Variants in ATP23 observed in about 807,000 individuals in gnomAD.
ATP23 encodes mitochondrial inner membrane protease ATP23 homolog.
Under a neutral mutation model 28.5 loss-of-function variants are expected in ATP23, and 24 were observed. The observed-to-expected ratio is 0.84, with a 90% CI of 0.61 to 1.18. ATP23 has a LOEUF of 1.18. Among genes scored for constraint, ATP23 ranks in the 50% most tolerant of loss-of-function variants. The probability of loss-of-function intolerance (pLI) is 0.00; values close to 1 mark genes in which losing one functional copy is unlikely to be tolerated. For missense variants in ATP23, 274 were observed against 306.4 expected (o/e 0.89, Z 0.79); for synonymous variants, 99 against 108.6 (o/e 0.91, Z 0.55).
In ATP23 at chr12:57,953,686, C is replaced by T; in HGVS notation, c.534C>T (p.His178=). 6.2e-7 allele frequency: 1 copy of T among 1,613,208 alleles called. No individual in the cohort carries two copies. The highest frequency in any genetic ancestry group is 8.5e-7 in the Non-Finnish European group (1 of 1,179,280). ...FRLHFGLKQH[H]QTCVRDRATL... ...TACATTTTGGATTAAAACAACACCACCAGGTAAAAACTAATATGAAATCAC... is the reference window on the plus strand; with the variant it reads ...TACATTTTGGATTAAAACAACACCATCAGGTAAAAACTAATATGAAATCAC... The change falls in exon 5 of 6, where the codon CAC becomes CAT. Residue 178 remains histidine, a synonymous_variant. Transcript: ENST00000300145.
At chr12:57,953,205 G>T (rs1040050724) in intron 4 of ATP23, among the ~76,000 whole-genome samples, 1 of 152,158 alleles carries the variant, frequency 6.6e-6, no homozygotes, top group Non-Finnish European at 1.5e-5. Flanking sequence ...TTTATTTCAA[G>T]AATGCTTTCT....
chr12:57,943,648 T>A (rs896330904), intron 1 of ATP23, among the ~76,000 whole-genome samples: 2 of 151,518 alleles, frequency 1.3e-5, no homozygotes, highest in African/African-American at 4.9e-5. Flanking sequence ...ATCACTGCAC[T>A]CCAGCCTGGG....
intron 2 of ATP23, 144 bp from the exon 3 acceptor site, chr12:57,946,849 AAG>A (rs1956766678): frequency 1.6e-6 from 1 of 623,084 alleles, no homozygotes; most frequent in African/African-American, 1.9e-5. Flanking sequence ...AACAGTCCTG[AAG>A]ATGTTGTTTC....
chr12:57,943,427 C>G (rs1422337652), intron 1 of ATP23, among the ~76,000 whole-genome samples: 1 of 152,084 alleles, frequency 6.6e-6, no homozygotes, highest in Non-Finnish European at 1.5e-5. Context: ...TGCCTGTAAT[C>G]TCAGCACTTT....
At chr12:57,942,333 A>C (rs1956713332) in intron 1 of ATP23, among the ~76,000 whole-genome samples, 1 of 152,170 alleles carries the variant, frequency 6.6e-6, no homozygotes, top group African/African-American at 2.4e-5. Context: ...GTTCCTTGGA[A>C]GTGGTTCATG....
intron 3 of ATP23, among the ~76,000 whole-genome samples, chr12:57,948,989 T>C (rs1956790520): frequency 6.6e-6 from 1 of 152,244 alleles, no homozygotes; most frequent in South Asian, 2.1e-4. Flanking sequence ...TTCTTGTTGT[T>C]GTGTGTACCT....
chr12:57,955,930 A>C (rs937281152), intron 5 of ATP23, among the ~76,000 whole-genome samples: 2 of 152,224 alleles, frequency 1.3e-5, no homozygotes, highest in Admixed American at 6.5e-5. Flanking sequence ...TTTTAGGAAA[A>C]GGTCAAATGC....
At position 57,951,851 on chromosome 12, in the gene ATP23, C is replaced by G; in HGVS notation, c.409C>G (p.His137Asp). 6.2e-7 allele frequency: 1 copy of G among 1,614,174 alleles called. No individual in the cohort carries two copies. Among genetic ancestry groups the G allele is most frequent in the Non-Finnish European group, 8.5e-7 (1 of 1,180,028 alleles). Residue 137 changes from histidine (H) to aspartate (D), a missense_variant, in exon 4 of 6, where the codon CAT becomes GAT. By Grantham distance (81) the His-to-Asp change is moderately conservative (BLOSUM62 -1). Coordinates refer to ENST00000300145, the MANE Select transcript of ATP23 (RefSeq NM_033276.4). ...TCATGCATTTGATCATTGTCGTGCC[C>G]ATGTCGACTGGTTCACCAACATCAG... ...LIHAFDHCRA[H>D]VDWFTNIRHL...
chr12:57,943,981 C>CT lies in ATP23; in HGVS notation c.188-1629dup, dbSNP rs766959594. On this transcript the variant is annotated intron_variant, in intron 1 of 5. Coordinates refer to ENST00000300145, the MANE Select transcript of ATP23 (RefSeq NM_033276.4). ...TGGAAACCAGACCTCATGGGAGTCT[C>CT]TTTTTTTTTTTTTTTTTTCACCAAA... Among the ~76,000 whole-genome samples the CT allele has an allele frequency of 9.8e-3, 935 of 94,984 alleles. 6 individuals carry two copies. Among genetic ancestry groups the CT allele is most frequent in the Middle Eastern group, 0.04 (5 of 126 alleles). The allele number at this position is 94,984 out of a possible 152,430, so 62.3% of individuals were successfully genotyped here.
In ATP23 at chr12:57,945,584, G is replaced by T. The variant is rs772531010; in HGVS notation, c.188-44G>T. 9 of 1,534,240 alleles carry T rather than the reference G, an allele frequency of 5.9e-6. No individual in the cohort carries two copies. In the African/African-American group the frequency reaches 1.2e-4, roughly 21 times the overall value. ...CACTGCTATTTGGGTAGTTTAATTGGTGCTACTTTTCCAATTACTTAATTA... is the reference window on the plus strand; with the variant it reads ...CACTGCTATTTGGGTAGTTTAATTGTTGCTACTTTTCCAATTACTTAATTA... On this transcript the variant is annotated intron_variant, in intron 1 of 5. Transcript: ENST00000300145.
At position 57,946,945 on chromosome 12, in the gene ATP23, T is replaced by G. The variant is rs148384414; in HGVS notation, c.234-50T>G. ...TCCTGAGCCCTGGCCCAGGGCTGTTTGCCACATACACACTGTTTCTGGACA... is the reference window on the plus strand; with the variant it reads ...TCCTGAGCCCTGGCCCAGGGCTGTTGGCCACATACACACTGTTTCTGGACA... On this transcript the variant is annotated intron_variant, in intron 2 of 5. Transcript: ENST00000300145. 1,348 of 1,576,710 alleles carry G rather than the reference T, an allele frequency of 8.5e-4. 9 individuals carry two copies. In the African/African-American group the frequency reaches 0.017, roughly 19 times the overall value.
At chr12:57,953,334 C>A (rs867735581) in intron 4 of ATP23, among the ~76,000 whole-genome samples, 2 of 152,156 alleles carry the variant, frequency 1.3e-5, no homozygotes, top group East Asian at 1.9e-4. Flanking sequence ...AGTAAAGCTA[C>A]GCATAAAGTT....
At position 57,951,876 on chromosome 12, in the gene ATP23, G is replaced by A. The variant is rs747793506; in HGVS notation, c.434G>A (p.Arg145Lys). 1.9e-6 allele frequency: 3 copies of A among 1,614,164 alleles called. No individual in the cohort carries two copies. The highest frequency in any genetic ancestry group is 2.5e-6 in the Non-Finnish European group (3 of 1,180,026). Residue 145 changes from arginine (R) to lysine (K), a missense_variant, in exon 4 of 6, where the codon AGA (arginine) becomes AAA (lysine). By Grantham distance (26) the Arg-to-Lys change is conservative. Coordinates refer to ENST00000300145, the MANE Select transcript of ATP23 (RefSeq NM_033276.4). ...CATGTCGACTGGTTCACCAACATCAGACATTTGGCGTGCTCAGAGGTGAGT... is the reference window on the plus strand; with the variant it reads ...CATGTCGACTGGTTCACCAACATCAAACATTTGGCGTGCTCAGAGGTGAGT... ...RAHVDWFTNI[R>K]HLACSEVRAA...
Position 57,942,083 on chromosome 12 carries a change from T to C in ATP23, c.187+195T>C, listed in dbSNP as rs1410040297. ...AGAGGTGGCGCTGAGACCCTTTTCG[T>C]CGCTGTTTTTGGCTTGTGGAATGAA... On this transcript the variant is annotated intron_variant, in intron 1 of 5. Transcript: ENST00000300145. Among the ~76,000 whole-genome samples the C allele has an allele frequency of 2.0e-5, 3 of 152,208 alleles. No homozygotes were observed. In the East Asian group the frequency reaches 5.8e-4, roughly 29 times the overall value.
In ATP23 at chr12:57,958,584, C is replaced by G. The variant is rs1262762645; in HGVS notation, c.*1694C>G. Among the ~76,000 whole-genome samples the G allele has an allele frequency of 2.0e-5, 3 of 152,168 alleles. No individual in the cohort carries two copies. Among genetic ancestry groups the G allele is most frequent in the Non-Finnish European group, 4.4e-5 (3 of 68,030 alleles). On this transcript the variant is annotated 3_prime_UTR_variant, in exon 6 of 6. Coordinates refer to ENST00000300145, the MANE Select transcript of ATP23 (RefSeq NM_033276.4). Reference sequence around the variant, plus strand: ...GATTCTGTGCAGGCAACCCCCAGTACCAGCATGGAGCTGGGTAGACTCACT... The same window carrying G: ...GATTCTGTGCAGGCAACCCCCAGTAGCAGCATGGAGCTGGGTAGACTCACT...
rs914637874 is a variant in ATP23, at chr12:57,958,515, C to T, written c.*1625C>T. On this transcript the variant is annotated 3_prime_UTR_variant, in exon 6 of 6. Transcript: ENST00000300145. ...CCTGCCACCTCCACTGGAACAGGTGCTGGTATCCACAGCCGAGAGACCCAT... is the reference window on the plus strand; with the variant it reads ...CCTGCCACCTCCACTGGAACAGGTGTTGGTATCCACAGCCGAGAGACCCAT... Among the ~76,000 whole-genome samples the T allele has an allele frequency of 6.6e-6, 1 of 152,184 alleles. No individual in the cohort carries two copies. The highest frequency in any genetic ancestry group is 1.5e-5 in the Non-Finnish European group (1 of 68,042).
At chr12:57,946,388 C>G (rs910059842) in intron 2 of ATP23, among the ~76,000 whole-genome samples, 3 of 151,006 alleles carry the variant, frequency 2.0e-5, no homozygotes, top group Non-Finnish European at 4.4e-5. Context: ...TCTTAACATT[C>G]TGGCCCAAGG....
chr12:57,945,098 T>A (rs183287174), intron 1 of ATP23, among the ~76,000 whole-genome samples: 1 of 152,354 alleles, frequency 6.6e-6, no homozygotes, highest in East Asian at 1.9e-4. Context: ...AAATGAACTT[T>A]AAAAGCATAG....
chr12:57,943,763 A>G (rs1956731566), intron 1 of ATP23, among the ~76,000 whole-genome samples: 1 of 152,184 alleles, frequency 6.6e-6, no homozygotes, highest in Non-Finnish European at 1.5e-5. Context: ...CTGTTTTTAC[A>G]GTGGAAGGGC....
Sources: gnomAD v4.1 joint callset for allele counts (sites outside exome capture counted in the v4.1 genomes callset) on GRCh38, gnomAD v4.1.1 for gene constraint, MANE v1.5 for transcripts, NCBI Gene and HGNC (gene_info 2026-07-23, HGNC 2026-07-21) for gene names.